The following DOCK3 variants were observed in gnomAD, a reference collection of about 807,000 sequenced individuals.
DOCK3 encodes dedicator of cytokinesis 3.
DOCK3 carries 60 observed loss-of-function variants against 265.6 expected under a neutral mutation model. The observed-to-expected ratio is 0.23, with a 90% CI of 0.18 to 0.28. The LOEUF is 0.28. Among genes scored for constraint, DOCK3 ranks in the 10% least tolerant of loss-of-function variants. The pLI is 1.00. For missense variants in DOCK3, 1,981 were observed against 2,594.3 expected, an observed-to-expected ratio of 0.76 and a Z score of 5.14; for synonymous variants, 881 against 938.0, an observed-to-expected ratio of 0.94 and a Z score of 1.11.
At chr3:51,301,842 T>G (rs539514586) in intron 27 of DOCK3, among the ~76,000 whole-genome samples, 1 of 152,348 alleles carries the variant, frequency 6.6e-6, no homozygotes, top group East Asian at 1.9e-4. Context: ...AGGAGTGTTT[T>G]ACTTCCAATT....
intron 27 of DOCK3, among the ~76,000 whole-genome samples, chr3:51,296,087 G>T (rs2082064039): frequency 6.6e-6 from 1 of 151,998 alleles, no homozygotes; most frequent in Non-Finnish European, 1.5e-5. Flanking sequence ...AAATTCTAAG[G>T]CATCCACAGG....
chr3:51,183,500 C>T (rs2087420427), intron 12 of DOCK3, among the ~76,000 whole-genome samples: 1 of 151,902 alleles, frequency 6.6e-6, no homozygotes, highest in Non-Finnish European at 1.5e-5. Context: ...GACTCAGATC[C>T]CTATAGGGTC....
At chr3:50,882,522 A>T (rs2048099873) in intron 3 of DOCK3, among the ~76,000 whole-genome samples, 1 of 152,202 alleles carries the variant, frequency 6.6e-6, no homozygotes, top group African/African-American at 2.4e-5. Context: ...AAAAATGCTC[A>T]TCATCACTGG....
chr3:51,134,948 C>G (rs2084726957), intron 9 of DOCK3, among the ~76,000 whole-genome samples: 1 of 152,170 alleles, frequency 6.6e-6, no homozygotes, highest in South Asian at 2.1e-4. Context: ...TTGTAAAGAT[C>G]AAGAGCAATT....
chr3:51,283,057 G>A (rs911284921), intron 27 of DOCK3, among the ~76,000 whole-genome samples: 6 of 152,172 alleles, frequency 3.9e-5, no homozygotes, highest in Non-Finnish European at 2.9e-5. Context: ...AAGGAATGAC[G>A]TGAGCCACAC....
chr3:51,332,635 T>C (rs1479903887), intron 33 of DOCK3, among the ~76,000 whole-genome samples: 1 of 151,282 alleles, frequency 6.6e-6, no homozygotes, highest in African/African-American at 2.4e-5. Flanking sequence ...AGGCTAGGAG[T>C]TCAAGGCCAG....
At chr3:51,356,026 C>T (rs2306431) in intron 41 of DOCK3, 63 bp from the exon 42 acceptor site, 68,590 of 1,600,356 alleles carry the variant, frequency 0.043, 6,848 homozygotes, top group East Asian at 0.33. Flanking sequence ...GAGGAGATGA[C>T]AGGGGTCAGC....
intron 1 of DOCK3, among the ~76,000 whole-genome samples, chr3:50,741,241 T>C (rs974791411): frequency 6.7e-6 from 1 of 148,334 alleles, no homozygotes; most frequent in Non-Finnish European, 1.5e-5. Context: ...TGAACATTGA[T>C]GTACAAGTAT....
intron 3 of DOCK3, among the ~76,000 whole-genome samples, chr3:50,869,541 C>T (rs2047336974): frequency 6.6e-6 from 1 of 150,432 alleles, no homozygotes; most frequent in South Asian, 2.1e-4. Context: ...CAGCTAATTT[C>T]TTGTGTTTTT....
At chr3:50,776,756 A>G (rs2108504856) in intron 1 of DOCK3, among the ~76,000 whole-genome samples, 1 of 152,148 alleles carries the variant, frequency 6.6e-6, no homozygotes, top group African/African-American at 2.4e-5. Flanking sequence ...TTGTATAGTG[A>G]TAGATGGGGA....
chr3:50,863,312 G>A, intron 3 of DOCK3: 1 of 476,968 alleles, frequency 2.1e-6, no homozygotes, highest in East Asian at 5.6e-5. Context: ...GTCTGTCTCA[G>A]TTCAGGTCTG....
At chr3:51,031,531 A>T (rs776035191) in intron 5 of DOCK3, among the ~76,000 whole-genome samples, 3 of 152,186 alleles carry the variant, frequency 2.0e-5, no homozygotes, top group African/African-American at 7.2e-5. Flanking sequence ...TGATTTTACC[A>T]TGTTGATATG....
chr3:51,271,439 G>C (rs1411463809), intron 24 of DOCK3, among the ~76,000 whole-genome samples: 1 of 152,102 alleles, frequency 6.6e-6, no homozygotes, highest in Non-Finnish European at 1.5e-5. Flanking sequence ...TAGCAGAAGG[G>C]GCAAGGCAGC....
intron 3 of DOCK3, 115 bp from the exon 4 acceptor site, chr3:50,889,911 C>A: frequency 1.3e-6 from 1 of 764,306 alleles, no homozygotes; most frequent in South Asian, 3.0e-5. Context: ...AAAGTGGTTG[C>A]TGTAGCAGGA....
intron 2 of DOCK3, among the ~76,000 whole-genome samples, chr3:50,822,673 T>TC: frequency 6.6e-6 from 1 of 152,102 alleles, no homozygotes; most frequent in East Asian, 1.9e-4. Context: ...ATTTTTAAAT[T>TC]TTTTTCATAG....
At chr3:50,926,602 A>G (rs936456921) in intron 4 of DOCK3, among the ~76,000 whole-genome samples, 8 of 152,220 alleles carry the variant, frequency 5.3e-5, no homozygotes, top group African/African-American at 1.9e-4. Flanking sequence ...CAGTTAGATG[A>G]AAGTGGGACT....
chr3:50,770,645 G>A (rs921506264), intron 1 of DOCK3, among the ~76,000 whole-genome samples: 5 of 152,084 alleles, frequency 3.3e-5, no homozygotes. Flanking sequence ...GCATTCCTAA[G>A]CAAAAAGAAC....
At chr3:51,169,842 T>C (rs1009510277) in intron 12 of DOCK3, among the ~76,000 whole-genome samples, 3 of 152,230 alleles carry the variant, frequency 2.0e-5, no homozygotes, top group African/African-American at 7.2e-5. Flanking sequence ...ACCATCGTGC[T>C]ATCCCAGGGA....
intron 1 of DOCK3, among the ~76,000 whole-genome samples, chr3:50,685,218 G>A (rs192839165): frequency 2.5e-4 from 38 of 152,178 alleles, no homozygotes; most frequent in Non-Finnish European, 4.4e-4. Context: ...CTACTTTTGA[G>A]CAGTTGGTTG....
Sources: allele counts gnomAD v4.1 joint callset (sites outside exome capture counted in the v4.1 genomes callset), GRCh38; gene constraint gnomAD v4.1.1; transcripts MANE v1.5; gene names NCBI Gene and HGNC (gene_info 2026-07-23, HGNC 2026-07-21).